Variants in TBX5 observed in about 807,000 individuals in gnomAD.
TBX5 encodes the protein T-box transcription factor TBX5.
Under a neutral mutation model 51.1 loss-of-function variants are expected in TBX5, and 8 were observed. The ratio of observed to expected loss-of-function variants is 0.16; its 90% CI spans 0.09 to 0.28. The LOEUF is 0.28. TBX5 is among the 10% of genes least tolerant of loss of function. TBX5 has a pLI of 1.00. For missense variants in TBX5, 589 were observed against 671.7 expected, an observed-to-expected ratio of 0.88 and a Z score of 1.36; for synonymous variants, 302 against 266.4, an observed-to-expected ratio of 1.13 and a Z score of -1.30.
chr12:114,387,749 G>A (rs1311300836), intron 6 of TBX5, among the ~76,000 whole-genome samples: 1 of 152,214 alleles, frequency 6.6e-6, no homozygotes, highest in Non-Finnish European at 1.5e-5. Context: ...GGGGGTGGCT[G>A]TGCATGTGGT....
At chr12:114,363,579 A>G (rs1869355988) in intron 8 of TBX5, among the ~76,000 whole-genome samples, 1 of 152,220 alleles carries the variant, frequency 6.6e-6, no homozygotes. Context: ...CCAGTCTCAA[A>G]GACAGATCTT....
intron 7 of TBX5, among the ~76,000 whole-genome samples, chr12:114,383,665 G>A (rs1433842589): frequency 6.6e-6 from 1 of 152,188 alleles, no homozygotes; most frequent in Non-Finnish European, 1.5e-5. Context: ...GCTAGAATTA[G>A]CACCCTGGCA....
At chr12:114,405,296 GC>G (rs1872135427) in intron 1 of TBX5, among the ~76,000 whole-genome samples, 1 of 151,980 alleles carries the variant, frequency 6.6e-6, no homozygotes, top group African/African-American at 2.4e-5. Flanking sequence ...CAGGGCTGGC[GC>G]CCCTACACGC....
At chr12:114,405,025 T>C (rs1872114310) in intron 1 of TBX5, among the ~76,000 whole-genome samples, 1 of 152,140 alleles carries the variant, frequency 6.6e-6, no homozygotes, top group Admixed American at 6.5e-5. Context: ...TCCAATCTCT[T>C]CTATACGCAA....
At chr12:114,392,546 CA>C (rs1871214514) in intron 6 of TBX5, among the ~76,000 whole-genome samples, 1 of 152,118 alleles carries the variant, frequency 6.6e-6, no homozygotes, top group African/African-American at 2.4e-5. Flanking sequence ...CCTGAGAATT[CA>C]GATGGTTTTT....
intron 1 of TBX5, among the ~76,000 whole-genome samples, chr12:114,404,835 T>C (rs565079597): frequency 6.6e-6 from 1 of 152,242 alleles, no homozygotes; most frequent in East Asian, 1.9e-4. Context: ...AGGCTCAGGA[T>C]TGGCGAGGAC....
rs935417633 is a variant in TBX5 at position 114,404,027 on chromosome 12, G to A, written c.-38-91C>T. The A allele has an allele frequency of 7.1e-6, 10 of 1,410,280 alleles. No individual in the cohort carries two copies. In the African/African-American group the frequency reaches 1.4e-4, roughly 20 times the overall value. The allele number at this position is 1,410,280 out of a possible 1,614,324, so 87.4% of individuals were successfully genotyped here. A position where few individuals can be genotyped will look rare whatever the true frequency, so the allele number is the denominator to read the frequency against. On this transcript the variant is annotated intron_variant, in intron 1 of 8. Coordinates refer to ENST00000405440, the MANE Select transcript of TBX5 (RefSeq NM_181486.4). ...AGAGCACAATTCTAGTGACAGGAGG[G>A]AGCAGTTTGGCCCCCAGTTTCCAGC... is the stretch of plus-strand genomic sequence containing the variant.
intron 5 of TBX5, among the ~76,000 whole-genome samples, chr12:114,396,156 G>A (rs1871408280): frequency 6.6e-6 from 1 of 152,034 alleles, no homozygotes; most frequent in Non-Finnish European, 1.5e-5. Flanking sequence ...GCGGCCGGGG[G>A]CGGGGGAGGG....
intron 6 of TBX5, among the ~76,000 whole-genome samples, chr12:114,386,438 T>C (rs1234855636): frequency 1.3e-5 from 2 of 152,184 alleles, no homozygotes; most frequent in African/African-American, 2.4e-5. Context: ...ACATAGAGAA[T>C]CATGTTATAG....
At chr12:114,388,756 T>TC (rs1555225600) in intron 6 of TBX5, among the ~76,000 whole-genome samples, 2 of 148,422 alleles carry the variant, frequency 1.3e-5, no homozygotes, top group Non-Finnish European at 3.0e-5. Flanking sequence ...TTTTTTTTTT[T>TC]AGGTTTTCGG....
chr12:114,384,328 T>C (rs1042930963), intron 7 of TBX5, among the ~76,000 whole-genome samples: 2 of 152,178 alleles, frequency 1.3e-5, no homozygotes, highest in Middle Eastern at 3.4e-3. Flanking sequence ...CCAACTGCAG[T>C]GCAGTAGTGT....
chr12:114,395,201 C>G (rs1871351968), intron 5 of TBX5, among the ~76,000 whole-genome samples: 1 of 152,172 alleles, frequency 6.6e-6, no homozygotes, highest in South Asian at 2.1e-4. Context: ...CTTCCCACCC[C>G]CAACGGGAGC....
chr12:114,368,943 G>T (rs1869707415), intron 7 of TBX5, among the ~76,000 whole-genome samples: 1 of 152,132 alleles, frequency 6.6e-6, no homozygotes. Context: ...GGGGCCAGGA[G>T]GCTGAAGGGA....
At chr12:114,372,227 ACT>A (rs1232858452) in intron 7 of TBX5, among the ~76,000 whole-genome samples, 2 of 152,130 alleles carry the variant, frequency 1.3e-5, no homozygotes, top group African/African-American at 2.4e-5. Context: ...CTACCCTTGT[ACT>A]CTCTAAATTT....
chr12:114,370,725 T>TA (rs1164156841), intron 7 of TBX5, among the ~76,000 whole-genome samples: 2 of 111,416 alleles, frequency 1.8e-5, no homozygotes, highest in Non-Finnish European at 4.0e-5. Flanking sequence ...GCCCCACACT[T>TA]ATGACCTCAT....
At chr12:114,398,851 C>T (rs1415509130) in intron 4 of TBX5, 131 bp from the exon 5 acceptor site, 10 of 1,156,342 alleles carry the variant, frequency 8.6e-6, no homozygotes, top group Non-Finnish European at 1.1e-5. Flanking sequence ...TGGAGGCTCT[C>T]CCGTCTCCCT....
At chr12:114,401,952 A>G in intron 2 of TBX5, 32 bp from the exon 3 acceptor site, 1 of 1,595,910 alleles carries the variant, frequency 6.3e-7, no homozygotes, top group South Asian at 1.1e-5. Flanking sequence ...CACACTAACA[A>G]GCCCTGGCAG....
At chr12:114,357,141 C>T (rs1868970394) in intron 8 of TBX5, among the ~76,000 whole-genome samples, 2 of 152,128 alleles carry the variant, frequency 1.3e-5, no homozygotes, top group Non-Finnish European at 2.9e-5. Flanking sequence ...TAAGTTGGTA[C>T]AAGTTAATGT....
chr12:114,355,238 G>A lies in TBX5; in HGVS notation c.*294C>T. ...AGGAATGGGGGAAGAGATCTGGGGA[G>A]TAGCGTGAATGTGGCTGGTTGATGG... On this transcript the variant is annotated 3_prime_UTR_variant, in exon 9 of 9. Coordinates refer to ENST00000405440, the MANE Select transcript of TBX5 (RefSeq NM_181486.4). The A allele has an allele frequency of 2.1e-6, 1 of 466,068 alleles. No homozygotes were observed. Among genetic ancestry groups the A allele is most frequent in the Non-Finnish European group, 4.0e-6 (1 of 249,246 alleles). The allele number at this position is 466,068 out of a possible 1,614,324, so 28.9% of individuals were successfully genotyped here.
Sources: gnomAD v4.1 joint callset for allele counts (sites outside exome capture counted in the v4.1 genomes callset) on GRCh38, gnomAD v4.1.1 for gene constraint, MANE v1.5 for transcripts, NCBI Gene and HGNC (gene_info 2026-07-23, HGNC 2026-07-21) for gene names.